SYT6: variants seen among roughly 807,000 people sequenced by gnomAD.
SYT6 encodes synaptotagmin-6.
A neutral mutation model predicts 38.4 loss-of-function variants in SYT6; 24 were observed. The observed-to-expected ratio is 0.62, with a 90% CI of 0.45 to 0.88. The LOEUF is 0.88. Among genes scored for constraint, SYT6 ranks in the 40% least tolerant of loss-of-function variants. SYT6 has a pLI of 0.00. For missense variants in SYT6, 611 were observed against 621.0 expected (o/e 0.98, Z 0.17); for synonymous variants, 265 against 241.9 (o/e 1.10, Z -0.89).
chr1:114,128,031 A>T (rs779889735), intron 3 of SYT6, among the ~76,000 whole-genome samples: 1 of 152,214 alleles, frequency 6.6e-6, no homozygotes, highest in African/African-American at 2.4e-5. Context: ...TGCTGGGCTC[A>T]CTTGGACTGC....
In SYT6 at chr1:114,099,094, C is replaced by T. The variant is rs752518998; in HGVS notation, c.1364G>A (p.Arg455Gln). The T allele has an allele frequency of 3.7e-6, 6 of 1,610,874 alleles. No homozygotes were observed. The East Asian group carries it at 8.9e-5, about 24-fold the overall frequency. The change falls in exon 5 of 8, where the codon CGA (arginine) becomes CAA (glutamine). Residue 455 changes from arginine (R) to glutamine (Q), a missense_variant and splice_region_variant. Arg to Gln is a conservative substitution (Grantham distance 43). Transcript: ENST00000610222. ...SLLISVMDYD[R>Q]VGHNEIIGVC... ...ACGTCCCTCTAGGACGCCTACCTAC[C>T]GATCATAGTCCATGACTGAGATGAG...
chr1:114,153,844 G>A lies in SYT6; in HGVS notation c.-72C>T. ...CGGCCGCACTGGGGCGGGGCACGACGGCCCCAAGAAGACCCTCCCTGCAGC... is the reference window on the plus strand; with the variant it reads ...CGGCCGCACTGGGGCGGGGCACGACAGCCCCAAGAAGACCCTCCCTGCAGC... On this transcript the variant is annotated 5_prime_UTR_variant, in exon 1 of 8. Coordinates refer to ENST00000610222, the MANE Select transcript of SYT6 (RefSeq NM_001253772.2). 7.0e-6 allele frequency: 4 copies of A among 570,654 alleles called. No individual in the cohort carries two copies. The allele number at this position is 570,654 out of a possible 1,614,324, so 35.3% of individuals were successfully genotyped here. A position where few individuals can be genotyped will look rare whatever the true frequency, so the allele number is the denominator to read the frequency against.
At position 114,092,864 on chromosome 1, in the gene SYT6, A is replaced by G. The variant is rs542315147; in HGVS notation, c.*52-782T>C. Among the ~76,000 whole-genome samples, 8 of 152,294 alleles carry G rather than the reference A, an allele frequency of 5.3e-5. No homozygotes were observed. The South Asian group carries it at 6.2e-4, about 12-fold the overall frequency. The stretch of plus-strand genomic sequence containing the variant: ...GCAATATTTACTGAGCAAAGATCTG[A>G]CCCCATGAATATTCTTGACCTGCCT... On this transcript the variant is annotated intron_variant, in intron 7 of 7. Transcript: ENST00000610222.
intron 1 of SYT6, among the ~76,000 whole-genome samples, chr1:114,142,903 A>T (rs1009707036): frequency 5.3e-5 from 8 of 152,200 alleles, no homozygotes; most frequent in African/African-American, 1.9e-4. Flanking sequence ...TTTATTGCAC[A>T]CTTAATAGGC....
chr1:114,093,707 C>A (rs539499), intron 7 of SYT6, 28 bp downstream of exon 7: 3 of 1,604,222 alleles, frequency 1.9e-6, no homozygotes, highest in East Asian at 2.2e-5. Flanking sequence ...AGCAACCTAA[C>A]GTCTTTGGGT....
rs1456226849 is a variant in SYT6, at chr1:114,092,081, C to T, written c.*53G>A. 1 of 1,536,242 alleles carries T rather than the reference C, an allele frequency of 6.5e-7. No individual in the cohort carries two copies. Among genetic ancestry groups the T allele is most frequent in the East Asian group, 2.4e-5 (1 of 41,066 alleles). On this transcript the variant is annotated splice_region_variant and 3_prime_UTR_variant, in exon 8 of 8. Transcript: ENST00000610222. ...GTCGAAGCTAGCAGCTCGGCCCTGC[C>T]ACTGCAAAGAGGAGAACAATCTGTT...
At chr1:114,101,887 C>T (rs1441719245) in intron 4 of SYT6, among the ~76,000 whole-genome samples, 3 of 152,158 alleles carry the variant, frequency 2.0e-5, no homozygotes, top group African/African-American at 7.2e-5. Flanking sequence ...CATCAATGAA[C>T]AAAATAGACA....
Position 114,099,144 on chromosome 1 carries a change from CG to C in SYT6, c.1313del (p.Pro438ArgfsTer25), listed in dbSNP as rs1557731023. 2 of 1,613,916 alleles carry C rather than the reference CG, an allele frequency of 1.2e-6. No individual in the cohort carries two copies. Among genetic ancestry groups the C allele is most frequent in the Non-Finnish European group, 8.5e-7 (1 of 1,179,920 alleles). ...YNEAIIFDIP[P>X]ENMDQVSLLI... ...GCAGGCTGACTTGATCCATGTTTTC[CG>C]GGGGAATGTCAAAGATGATGGCCTC... On this transcript the variant is annotated frameshift_variant, in exon 5 of 8. Transcript: ENST00000610222. LOFTEE classifies it high-confidence loss of function.
At chr1:114,136,780 T>C (rs922955281) in intron 3 of SYT6, among the ~76,000 whole-genome samples, 11 of 152,228 alleles carry the variant, frequency 7.2e-5, no homozygotes, top group African/African-American at 2.4e-4. Flanking sequence ...GGGACTCTGC[T>C]GTGTGTCGTC....
At chr1:114,149,323 T>A (rs1679329578) in intron 1 of SYT6, among the ~76,000 whole-genome samples, 1 of 146,598 alleles carries the variant, frequency 6.8e-6, no homozygotes, top group South Asian at 2.2e-4. Flanking sequence ...GCTTGTAAGT[T>A]TATTAGGAGA....
At chr1:114,129,965 G>A (rs1355072270) in intron 3 of SYT6, among the ~76,000 whole-genome samples, 9 of 151,972 alleles carry the variant, frequency 5.9e-5, no homozygotes, top group African/African-American at 1.9e-4. Flanking sequence ...GAGTACAGGA[G>A]TGAGCCACTG....
intron 3 of SYT6, among the ~76,000 whole-genome samples, chr1:114,134,438 C>T (rs1678359333): frequency 1.3e-5 from 2 of 152,204 alleles, no homozygotes; most frequent in Non-Finnish European, 2.9e-5. Context: ...TGGGTTCTTA[C>T]ACTCAGCCCT....
rs1308887326 is a variant in SYT6, at chr1:114,153,779, G to A, written c.-7C>T. The A allele has an allele frequency of 3.0e-6, 2 of 669,264 alleles. No homozygotes were observed. The highest frequency in any genetic ancestry group is 4.4e-5 in the Admixed American group (2 of 45,756). 41.5% of individuals were successfully genotyped at this position (669,264 alleles called of 1,614,324 possible). On this transcript the variant is annotated 5_prime_UTR_variant, in exon 1 of 8. Coordinates refer to ENST00000610222, the MANE Select transcript of SYT6 (RefSeq NM_001253772.2). ...CCCCCCACACTCCGCTCATGCCCTA[G>A]ACACCCAGGCTTGCCGAGCAGCAGC...
chr1:114,122,506 T>TGTGTGTGCGC (rs60780339), intron 3 of SYT6, among the ~76,000 whole-genome samples: 1,539 of 147,372 alleles, frequency 0.01, 36 homozygotes, highest in African/African-American at 0.036. Flanking sequence ...TGTGTGTGTG[T>TGTGTGTGCGC]GCGCGCACAT....
intron 3 of SYT6, among the ~76,000 whole-genome samples, chr1:114,113,214 C>G (rs1307001092): frequency 2.6e-5 from 4 of 152,220 alleles, no homozygotes; most frequent in African/African-American, 9.7e-5. Context: ...CAGCCTTTCA[C>G]AGAGTTGACT....
intron 5 of SYT6, among the ~76,000 whole-genome samples, chr1:114,098,232 C>T (rs1311562389): frequency 2.0e-5 from 3 of 152,150 alleles, no homozygotes; most frequent in African/African-American, 4.8e-5. Context: ...GCAAATAAAT[C>T]GACAGTCTCT....
At chr1:114,100,219 C>G (rs951110433) in intron 4 of SYT6, among the ~76,000 whole-genome samples, 1 of 152,162 alleles carries the variant, frequency 6.6e-6, no homozygotes, top group Admixed American at 6.5e-5. Context: ...TTATGCTGCA[C>G]AGCTCAAGAA....
chr1:114,097,971 G>A (rs1352418577), intron 5 of SYT6, 94 bp from the exon 6 acceptor site: 19 of 1,401,624 alleles, frequency 1.4e-5, no homozygotes, highest in Non-Finnish European at 1.9e-5. Context: ...TGCCCGATGG[G>A]TCTAACTCAG....
intron 1 of SYT6, among the ~76,000 whole-genome samples, chr1:114,140,293 T>G (rs17032448): frequency 0.046 from 6,675 of 146,222 alleles, 310 homozygotes; most frequent in African/African-American, 0.12. Context: ...CACAGGGAAA[T>G]GAAAATAATT....
Sources: gnomAD v4.1 joint callset for allele counts (sites outside exome capture counted in the v4.1 genomes callset) on GRCh38, gnomAD v4.1.1 for gene constraint, MANE v1.5 for transcripts, NCBI Gene and HGNC (gene_info 2026-07-23, HGNC 2026-07-21) for gene names.